Variants in IGSF21 observed in about 807,000 individuals in gnomAD.
IGSF21 encodes immunoglobulin superfamily member 21.
A neutral mutation model predicts 46.8 loss-of-function variants in IGSF21; 28 were observed. The ratio of observed to expected loss-of-function variants is 0.60; its 90% CI spans 0.44 to 0.82. IGSF21 has a LOEUF of 0.82. IGSF21 is among the 40% of genes least tolerant of loss of function. IGSF21 has a pLI of 0.00. For missense variants in IGSF21, 624 were observed against 665.5 expected (o/e 0.94, Z 0.69); for synonymous variants, 284 against 273.6 (o/e 1.04, Z -0.38).
intron 1 of IGSF21, among the ~76,000 whole-genome samples, chr1:18,222,267 A>T (rs1275081482): frequency 1.3e-5 from 2 of 152,016 alleles, no homozygotes; most frequent in African/African-American, 4.8e-5. Flanking sequence ...GGAGGATCTC[A>T]CTTTGTGGGT....
At chr1:18,235,698 GA>G (rs2084666473) in intron 2 of IGSF21, among the ~76,000 whole-genome samples, 2 of 152,234 alleles carry the variant, frequency 1.3e-5, no homozygotes, top group African/African-American at 4.8e-5. Flanking sequence ...TGTGCTGTAA[GA>G]AACTGAATCT....
intron 1 of IGSF21, among the ~76,000 whole-genome samples, chr1:18,178,733 G>A: frequency 6.6e-6 from 1 of 152,110 alleles, no homozygotes; most frequent in South Asian, 2.1e-4. Flanking sequence ...CGGCCAGCAA[G>A]TGATGTCATC....
At chr1:18,275,043 C>CAAACAAACAA (rs111242716) in intron 2 of IGSF21, among the ~76,000 whole-genome samples, 1 of 151,892 alleles carries the variant, frequency 6.6e-6, no homozygotes, top group Non-Finnish European at 1.5e-5. Context: ...AACAAACAAA[C>CAAACAAACAA]AAAAAAGAAG....
intron 1 of IGSF21, among the ~76,000 whole-genome samples, chr1:18,199,551 C>G (rs2087046274): frequency 6.6e-6 from 1 of 152,132 alleles, no homozygotes; most frequent in African/African-American, 2.4e-5. Context: ...CTCAGCTTCC[C>G]AGCCCTGGTG....
At chr1:18,123,070 G>C (rs1487011218) in intron 1 of IGSF21, among the ~76,000 whole-genome samples, 1 of 152,106 alleles carries the variant, frequency 6.6e-6, no homozygotes, top group African/African-American at 2.4e-5. Flanking sequence ...TAGCAGTTTT[G>C]GACCCTAGGA....
intron 3 of IGSF21, among the ~76,000 whole-genome samples, chr1:18,300,832 G>GC (rs532782652): frequency 2.0e-4 from 30 of 152,180 alleles, no homozygotes; most frequent in Non-Finnish European, 4.0e-4. Flanking sequence ...GGAAAGGGGG[G>GC]CCCCCCTTTG....
intron 1 of IGSF21, among the ~76,000 whole-genome samples, chr1:18,119,536 C>A (rs1011664989): frequency 1.3e-5 from 2 of 152,214 alleles, no homozygotes; most frequent in African/African-American, 4.8e-5. Context: ...GTGTGGCATG[C>A]CCACTGACAG....
chr1:18,240,909 T>C (rs1468560900), intron 2 of IGSF21, among the ~76,000 whole-genome samples: 1 of 152,176 alleles, frequency 6.6e-6, no homozygotes. Flanking sequence ...CATGATATCA[T>C]GACAAGGGGT....
intron 1 of IGSF21, among the ~76,000 whole-genome samples, chr1:18,208,908 C>G (rs2084362159): frequency 6.6e-6 from 1 of 152,152 alleles, no homozygotes; most frequent in Non-Finnish European, 1.5e-5. Flanking sequence ...GAACGTGTAG[C>G]CAGATGCAAA....
Position 18,334,756 on chromosome 1 carries a change from C to A in IGSF21, c.306-136C>A. On this transcript the variant is annotated intron_variant, in intron 3 of 9. Coordinates refer to ENST00000251296, the MANE Select transcript of IGSF21 (RefSeq NM_032880.5). The surrounding 1 kb of genome is among the most constrained non-coding windows in gnomAD (Gnocchi z 4.3). ...CAGTCGGTGTTCCATAAATGCTCCC[C>A]TCCTCCCAGCCCAGCACACAGGCCT... 1 of 695,950 alleles carries A rather than the reference C, an allele frequency of 1.4e-6. No homozygotes were observed. The highest frequency in any genetic ancestry group is 2.5e-5 in the East Asian group (1 of 40,180). The allele number at this position is 695,950 out of a possible 1,614,324, so 43.1% of individuals were successfully genotyped here. A position where few individuals can be genotyped will look rare whatever the true frequency, so the allele number is the denominator to read the frequency against.
chr1:18,206,897 C>T (rs2084334163), intron 1 of IGSF21, among the ~76,000 whole-genome samples: 1 of 152,212 alleles, frequency 6.6e-6, no homozygotes, highest in Admixed American at 6.5e-5. Flanking sequence ...CAAATTACTA[C>T]ACACTTAGCA....
chr1:18,324,421 G>A (rs1038707668), intron 3 of IGSF21, among the ~76,000 whole-genome samples: 17 of 152,288 alleles, frequency 1.1e-4, no homozygotes, highest in Admixed American at 2.6e-4. Context: ...CAAGATGGCC[G>A]GATCGCCAAG....
chr1:18,242,120 C>A (rs2084736651), intron 2 of IGSF21, among the ~76,000 whole-genome samples: 1 of 152,194 alleles, frequency 6.6e-6, no homozygotes, highest in Non-Finnish European at 1.5e-5. Flanking sequence ...CAGAGGCTGT[C>A]AACGTCAAAT....
At chr1:18,281,398 AC>A (rs2085159626) in intron 2 of IGSF21, among the ~76,000 whole-genome samples, 1 of 151,894 alleles carries the variant, frequency 6.6e-6, no homozygotes, top group South Asian at 2.1e-4. Flanking sequence ...TGAGGTCTCT[AC>A]TAAAAAAAAT....
intron 1 of IGSF21, among the ~76,000 whole-genome samples, chr1:18,139,719 G>T (rs1456778861): frequency 6.6e-6 from 1 of 152,162 alleles, no homozygotes; most frequent in African/African-American, 2.4e-5. Context: ...TGTGAGATGG[G>T]GTTAATATTG....
intron 1 of IGSF21, among the ~76,000 whole-genome samples, chr1:18,128,777 T>C (rs976654110): frequency 2.1e-5 from 3 of 139,810 alleles, no homozygotes; most frequent in African/African-American, 7.8e-5. Context: ...CCACTGTCTC[T>C]TGCTCATTCG....
At chr1:18,320,836 A>T (rs1324932950) in intron 3 of IGSF21, among the ~76,000 whole-genome samples, 2 of 152,142 alleles carry the variant, frequency 1.3e-5, no homozygotes, top group Non-Finnish European at 2.9e-5. Context: ...GAGGTTTATC[A>T]TTCTGATCTC....
At chr1:18,331,866 G>A (rs1394119717) in intron 3 of IGSF21, among the ~76,000 whole-genome samples, 3 of 152,192 alleles carry the variant, frequency 2.0e-5, no homozygotes, top group Non-Finnish European at 4.4e-5. Flanking sequence ...TGGAGGGTGT[G>A]GAAGTGGGAG....
chr1:18,252,974 C>T (rs965726953), intron 2 of IGSF21, among the ~76,000 whole-genome samples: 1 of 152,116 alleles, frequency 6.6e-6, no homozygotes, highest in African/African-American at 2.4e-5. Flanking sequence ...AGATCCTCAA[C>T]CCTGGAAGTA....
Sources: gnomAD v4.1 joint callset for allele counts (sites outside exome capture counted in the v4.1 genomes callset) on GRCh38, gnomAD v4.1.1 for gene constraint, Gnocchi (gnomAD v3.1) non-coding constraint, MANE v1.5 for transcripts, NCBI Gene and HGNC (gene_info 2026-07-23, HGNC 2026-07-21) for gene names.